MEAK7: variants seen among roughly 807,000 people sequenced by gnomAD.
MEAK7 encodes MTOR-associated protein MEAK7.
Under a neutral mutation model 40.5 loss-of-function variants are expected in MEAK7, and 68 were observed. The observed-to-expected ratio is 1.68, with a 90% CI of 1.38 to 2.06. The LOEUF is 2.06. Ranked by LOEUF, MEAK7 falls within the 30% of genes most tolerant of loss-of-function variation. The probability of loss-of-function intolerance (pLI) is 0.00; values close to 1 mark genes in which losing one functional copy is unlikely to be tolerated. For missense variants in MEAK7, 918 were observed against 580.5 expected (o/e 1.58, Z -5.98); for synonymous variants, 338 against 231.9 (o/e 1.46, Z -4.16).
At chr16:84,488,913 G>T (rs925055117) in intron 4 of MEAK7, among the ~76,000 whole-genome samples, 4 of 152,008 alleles carry the variant, frequency 2.6e-5, no homozygotes, top group African/African-American at 7.2e-5. Flanking sequence ...AAAGCAAACA[G>T]AAGGAAGAAA....
Position 84,479,831 on chromosome 16 carries a change from G to A in MEAK7, c.*82C>T, listed in dbSNP as rs1179584590. 9.3e-7 allele frequency: 1 copy of A among 1,069,862 alleles called. No homozygotes were observed. Among genetic ancestry groups the A allele is most frequent in the Non-Finnish European group, 1.3e-6 (1 of 748,644 alleles). The allele number at this position is 1,069,862 out of a possible 1,614,324, so 66.3% of individuals were successfully genotyped here. A position where few individuals can be genotyped will look rare whatever the true frequency, so the allele number is the denominator to read the frequency against. On this transcript the variant is annotated 3_prime_UTR_variant, in exon 8 of 8. Transcript: ENST00000343629. ...CGGTACGCTATTACAGTTAAACCAT[G>A]TGGGAGGGAAGAGGGGCTGCAGGCG...
intron 3 of MEAK7, among the ~76,000 whole-genome samples, chr16:84,490,321 G>GA (rs148312749): frequency 2.7e-5 from 4 of 150,804 alleles, no homozygotes; most frequent in Non-Finnish European, 5.9e-5. Context: ...CCACCAAAAG[G>GA]AAAAAAACAT....
chr16:84,487,230 T>G, intron 4 of MEAK7, 171 bp from the exon 5 acceptor site: 1 of 544,914 alleles, frequency 1.8e-6, no homozygotes, highest in Non-Finnish European at 3.1e-6. Flanking sequence ...CACACTTGAT[T>G]TCAAAGATTT....
At chr16:84,483,760 G>C (rs200876467) in intron 5 of MEAK7, among the ~76,000 whole-genome samples, 27 of 152,218 alleles carry the variant, frequency 1.8e-4, no homozygotes, top group African/African-American at 5.8e-4. Context: ...CCGAGGTCAA[G>C]AGGGAGGCCC....
rs778244199 is a variant in MEAK7, at chr16:84,482,711, C to T, written c.959-1G>A. ...GAGAACAGGAAGCATCTGTTGTCCC[C>T]TGAAAGTAGCCAGAGAACAAAACAA... On this transcript the variant is annotated splice_acceptor_variant, in intron 5 of 7. Transcript: ENST00000343629. LOFTEE classifies it high-confidence loss of function. 1 of 1,614,018 alleles carries T rather than the reference C, an allele frequency of 6.2e-7. No homozygotes were observed. The highest frequency in any genetic ancestry group is 8.5e-7 in the Non-Finnish European group (1 of 1,179,944).
At chr16:84,499,065 T>A (rs1914286802) in intron 1 of MEAK7, among the ~76,000 whole-genome samples, 1 of 152,176 alleles carries the variant, frequency 6.6e-6, no homozygotes, top group Admixed American at 6.5e-5. Context: ...GCCTGTATGA[T>A]CCCGGCCCGT....
intron 1 of MEAK7, among the ~76,000 whole-genome samples, chr16:84,499,470 A>G (rs1023430314): frequency 3.9e-5 from 6 of 152,210 alleles, no homozygotes; most frequent in African/African-American, 1.4e-4. Flanking sequence ...CCAAGCCATG[A>G]CAACTCAAAC....
chr16:84,487,177 A>C, intron 4 of MEAK7, 118 bp from the exon 5 acceptor site: 12 of 946,138 alleles, frequency 1.3e-5, no homozygotes, highest in South Asian at 1.8e-5. Context: ...GAGCACAGAA[A>C]ACAGGGCTCG....
intron 3 of MEAK7, 110 bp from the exon 4 acceptor site, chr16:84,489,532 C>T: frequency 3.2e-6 from 4 of 1,263,078 alleles, no homozygotes; most frequent in Non-Finnish European, 4.4e-6. Context: ...TGATGGGCCA[C>T]AATGTGGGGA....
At chr16:84,490,229 A>C (rs1003218987) in intron 3 of MEAK7, among the ~76,000 whole-genome samples, 1 of 151,948 alleles carries the variant, frequency 6.6e-6, no homozygotes, top group Non-Finnish European at 1.5e-5. Flanking sequence ...GGAACGTTCC[A>C]AATTATAGGG....
In MEAK7 at chr16:84,495,114, C is replaced by G. The variant is rs150153169; in HGVS notation, c.384+569G>C. Among the ~76,000 whole-genome samples, 383 of 152,144 alleles carry G rather than the reference C, an allele frequency of 2.5e-3. 5 individuals carry two copies. Among genetic ancestry groups the G allele is most frequent in the African/African-American group, 8.9e-3 (371 of 41,510 alleles). ...TGAAACCCCGTTTCTACTAAAAATA[C>G]AAAAATCGGCCAGGCACGGTGGTGT... On this transcript the variant is annotated intron_variant, in intron 3 of 7. Coordinates refer to ENST00000343629, the MANE Select transcript of MEAK7 (RefSeq NM_020947.4).
At position 84,486,682 on chromosome 16, in the gene MEAK7, CAT is replaced by C. The variant is rs770552576; in HGVS notation, c.905_906del (p.His302ArgfsTer73). ...CVAVLEDHDK[H>X]VFGGFASCSW... Reference sequence around the variant, plus strand: ...GAGCAAGAGGCAAACCCACCGAACACATGCTTGTCATGGTCCTCGAGGACAGC... The same window carrying C: ...GAGCAAGAGGCAAACCCACCGAACACGCTTGTCATGGTCCTCGAGGACAGC... On this transcript the variant is annotated frameshift_variant, in exon 5 of 8. Transcript: ENST00000343629. LOFTEE classifies it high-confidence loss of function. The C allele has an allele frequency of 2.5e-5, 40 of 1,613,980 alleles. No individual in the cohort carries two copies. In the East Asian group the frequency reaches 8.0e-4, roughly 32 times the overall value.
intron 5 of MEAK7, among the ~76,000 whole-genome samples, chr16:84,484,208 C>A (rs140349003): frequency 2.0e-5 from 3 of 152,278 alleles, no homozygotes; most frequent in African/African-American, 7.2e-5. Context: ...ATAGGGAAAG[C>A]CAGGAGGGGG....
chr16:84,500,519 G>T (rs2150649535), intron 1 of MEAK7, among the ~76,000 whole-genome samples: 1 of 152,260 alleles, frequency 6.6e-6, no homozygotes, highest in South Asian at 2.1e-4. Flanking sequence ...CACTGCTAAT[G>T]TGCCCCTCTG....
chr16:84,491,662 C>A (rs1330743336), intron 3 of MEAK7, among the ~76,000 whole-genome samples: 2 of 150,984 alleles, frequency 1.3e-5, no homozygotes, highest in South Asian at 4.2e-4. Context: ...CATGGTGAAA[C>A]CCCATCTCTA....
chr16:84,498,780 G>A (rs748855870), intron 1 of MEAK7, among the ~76,000 whole-genome samples: 3 of 152,166 alleles, frequency 2.0e-5, no homozygotes, highest in Non-Finnish European at 4.4e-5. Flanking sequence ...TAAAACCAGA[G>A]TTAGAAAATA....
intron 1 of MEAK7, among the ~76,000 whole-genome samples, chr16:84,502,460 C>T (rs6564047): frequency 0.37 from 56,018 of 151,692 alleles, 10,716 homozygotes; most frequent in East Asian, 0.61. Context: ...AAAATGGAAG[C>T]GGAACTTGAT....
chr16:84,492,583 T>TTA (rs995495908), intron 3 of MEAK7, among the ~76,000 whole-genome samples: 1 of 151,362 alleles, frequency 6.6e-6, no homozygotes, highest in African/African-American at 2.4e-5. Context: ...ATTTATTTAT[T>TTA]TATTTATTTA....
At chr16:84,480,098 T>C (rs1433196696) in intron 7 of MEAK7, 72 bp from the exon 8 acceptor site, 3 of 1,263,208 alleles carry the variant, frequency 2.4e-6, no homozygotes, top group African/African-American at 3.0e-5. Flanking sequence ...CTGCTAGTTT[T>C]CCAGCCTTCT....
Sources: allele counts gnomAD v4.1 joint callset (sites outside exome capture counted in the v4.1 genomes callset), GRCh38; gene constraint gnomAD v4.1.1; transcripts MANE v1.5; gene names NCBI Gene and HGNC (gene_info 2026-07-23, HGNC 2026-07-21).